Variants in TSPAN9 observed in about 807,000 individuals in gnomAD.
TSPAN9 encodes tetraspanin-9.
A neutral mutation model predicts 31.0 loss-of-function variants in TSPAN9; 16 were observed. The observed-to-expected ratio is 0.52, with a 90% CI of 0.35 to 0.78. TSPAN9 has a LOEUF of 0.78. Ranked by LOEUF, TSPAN9 falls within the 30% of genes least tolerant of loss-of-function variation. TSPAN9 has a pLI of 0.01. For missense variants in TSPAN9, 272 were observed against 312.5 expected, an observed-to-expected ratio of 0.87 and a Z score of 0.98; for synonymous variants, 145 against 121.6, an observed-to-expected ratio of 1.19 and a Z score of -1.27.
chr12:3,183,829 G>A (rs566313595), intron 2 of TSPAN9, among the ~76,000 whole-genome samples: 1 of 152,324 alleles, frequency 6.6e-6, no homozygotes, highest in South Asian at 2.1e-4. Flanking sequence ...GGCCTCAGGT[G>A]TGTGCCACTT....
chr12:3,090,350 CT>C (rs2098303638), intron 2 of TSPAN9, among the ~76,000 whole-genome samples: 2 of 152,226 alleles, frequency 1.3e-5, no homozygotes, highest in Non-Finnish European at 2.9e-5. Context: ...ACGGGTTAGC[CT>C]TTTGGGCTGG....
At chr12:3,163,825 C>G (rs942552244) in intron 2 of TSPAN9, among the ~76,000 whole-genome samples, 1 of 152,234 alleles carries the variant, frequency 6.6e-6, no homozygotes, top group African/African-American at 2.4e-5. Context: ...ATCCCTTGCT[C>G]TGCCCTGGAG....
intron 2 of TSPAN9, among the ~76,000 whole-genome samples, chr12:3,091,575 C>T (rs1022978861): frequency 2.9e-4 from 44 of 152,248 alleles, no homozygotes; most frequent in African/African-American, 9.9e-4. Context: ...CCTGGAGATC[C>T]GAGGCTGGAC....
intron 3 of TSPAN9, among the ~76,000 whole-genome samples, chr12:3,235,084 G>A (rs1221193259): frequency 6.2e-5 from 9 of 144,616 alleles, no homozygotes; most frequent in Admixed American, 2.1e-4. Context: ...GGAGAATGAC[G>A]TGAGCCCCGG....
chr12:3,185,647 C>A (rs1368306659), intron 2 of TSPAN9, among the ~76,000 whole-genome samples: 1 of 152,258 alleles, frequency 6.6e-6, no homozygotes, highest in Non-Finnish European at 1.5e-5. Flanking sequence ...CGTGCTGCAG[C>A]TGGGCCCGCA....
chr12:3,181,409 A>G (rs2098358535), intron 2 of TSPAN9, among the ~76,000 whole-genome samples: 1 of 152,128 alleles, frequency 6.6e-6, no homozygotes, highest in African/African-American at 2.4e-5. Context: ...TGAATATGAT[A>G]GGACTGATTT....
intron 2 of TSPAN9, among the ~76,000 whole-genome samples, chr12:3,177,399 A>G (rs1260450033): frequency 2.0e-5 from 3 of 151,628 alleles, no homozygotes; most frequent in East Asian, 1.9e-4. Flanking sequence ...GGCCTCCCCA[A>G]GTGCTGGGAT....
intron 6 of TSPAN9, 71 bp from the exon 7 acceptor site, chr12:3,281,127 A>G: frequency 6.5e-7 from 1 of 1,539,952 alleles, no homozygotes; most frequent in Non-Finnish European, 8.7e-7. Context: ...TGGCCTGGGC[A>G]GGGGAAGGCC....
At chr12:3,234,690 C>T (rs2098392408) in intron 3 of TSPAN9, among the ~76,000 whole-genome samples, 1 of 152,166 alleles carries the variant, frequency 6.6e-6, no homozygotes. Context: ...CTGTGCTGCT[C>T]TCAGCACTCA....
intron 2 of TSPAN9, among the ~76,000 whole-genome samples, chr12:3,133,979 G>C (rs2098330959): frequency 1.3e-5 from 2 of 152,152 alleles, no homozygotes; most frequent in African/African-American, 4.8e-5. Context: ...TTATAAACAG[G>C]GTCAGCGCTT....
chr12:3,193,331 T>C (rs2098365440), intron 2 of TSPAN9, among the ~76,000 whole-genome samples: 1 of 152,174 alleles, frequency 6.6e-6, no homozygotes, highest in African/African-American at 2.4e-5. Flanking sequence ...TTTGTGACAA[T>C]CCACACCACC....
chr12:3,136,571 T>G (rs2098332238), intron 2 of TSPAN9, among the ~76,000 whole-genome samples: 1 of 152,172 alleles, frequency 6.6e-6, no homozygotes, highest in African/African-American at 2.4e-5. Flanking sequence ...GGGGTGGCTC[T>G]CCTTTTGTCG....
At chr12:3,139,822 A>G (rs898260726) in intron 2 of TSPAN9, among the ~76,000 whole-genome samples, 1 of 152,166 alleles carries the variant, frequency 6.6e-6, no homozygotes, top group Non-Finnish European at 1.5e-5. Flanking sequence ...TGTTAGGATT[A>G]CAGGCAGGAG....
intron 2 of TSPAN9, among the ~76,000 whole-genome samples, chr12:3,145,641 A>G (rs7954113): frequency 0.24 from 36,437 of 152,180 alleles, 4,708 homozygotes; most frequent in Non-Finnish European, 0.31. Context: ...CCAGGTGTCC[A>G]GAGCTTCCCA....
At position 3,201,263 on chromosome 12, in the gene TSPAN9, C is replaced by A. The variant is rs369923203; in HGVS notation, c.63+7C>A. 108 of 1,613,766 alleles carry A rather than the reference C, an allele frequency of 6.7e-5. No individual in the cohort carries two copies. In the African/African-American group the frequency reaches 1.4e-3, roughly 20 times the overall value. ...CTTCAATTTGATATTCTGGGTAAGT[C>A]CTTCCGTTTCTCTCTCCCTTCGCCC... On this transcript the variant is annotated splice_region_variant and intron_variant, in intron 3 of 8. Transcript: ENST00000011898.
At chr12:3,207,211 A>G (rs1233739488) in intron 3 of TSPAN9, among the ~76,000 whole-genome samples, 2 of 151,960 alleles carry the variant, frequency 1.3e-5, no homozygotes, top group African/African-American at 2.4e-5. Flanking sequence ...GACCACCGTG[A>G]CAGGTCTTGC....
chr12:3,272,743 A>G (rs1265881211), intron 3 of TSPAN9, among the ~76,000 whole-genome samples: 1 of 152,202 alleles, frequency 6.6e-6, no homozygotes, highest in Non-Finnish European at 1.5e-5. Flanking sequence ...TCTAAGCAGC[A>G]TGGAAGTGGG....
intron 2 of TSPAN9, among the ~76,000 whole-genome samples, chr12:3,105,310 T>A (rs2098313753): frequency 6.6e-6 from 1 of 152,090 alleles, no homozygotes. Flanking sequence ...TGGGCCAACA[T>A]GCCCCGTATT....
chr12:3,283,089 C>T lies in TSPAN9; in HGVS notation c.693C>T (p.His231=). The T allele has an allele frequency of 5.0e-6, 8 of 1,609,730 alleles. No homozygotes were observed. The highest frequency in any genetic ancestry group is 6.8e-6 in the Non-Finnish European group (8 of 1,180,008). Residue 231 remains histidine (H), a synonymous_variant, in exon 9 of 9, where the codon CAC becomes CAT. Coordinates refer to ENST00000011898, the MANE Select transcript of TSPAN9 (RefSeq NM_006675.5). ...CCATGACCCTCTTCCAGCACATCCA[C>T]CGGACTGGTAAGAAGTACGACGCAT... ...AFSMTLFQHI[H]RTGKKYDA
Sources: gnomAD v4.1 joint callset for allele counts (sites outside exome capture counted in the v4.1 genomes callset) on GRCh38, gnomAD v4.1.1 for gene constraint, MANE v1.5 for transcripts, NCBI Gene and HGNC (gene_info 2026-07-23, HGNC 2026-07-21) for gene names.